The following TRAK2 variants were observed in gnomAD, a reference collection of about 807,000 sequenced individuals.
TRAK2 encodes trafficking kinesin protein 2.
In TRAK2, 81 loss-of-function variants were observed where a neutral mutation model predicts 104.6. The ratio of observed to expected loss-of-function variants is 0.77; its 90% CI spans 0.65 to 0.93. The LOEUF (loss-of-function observed/expected upper bound fraction) is 0.93, where lower values mean the gene tolerates loss of function less well. Ranked by LOEUF, TRAK2 falls within the 40% of genes least tolerant of loss-of-function variation. The pLI is 0.00. For synonymous variants in TRAK2, 406 were observed against 394.4 expected (o/e 1.03, Z -0.35); for missense variants, 1,002 against 1,089.0 (o/e 0.92, Z 1.12).
chr2:201,379,283 T>C lies in TRAK2; in HGVS notation c.*1260A>G, dbSNP rs1341083790. 1 of 151,944 alleles carries C rather than the reference T, an allele frequency of 6.6e-6. No homozygotes were observed. The highest frequency in any genetic ancestry group is 1.5e-5 in the Non-Finnish European group (1 of 68,012). The allele number at this position is 151,944 out of a possible 1,614,324, so 9.4% of individuals were successfully genotyped here. A position where few individuals can be genotyped will look rare whatever the true frequency, so the allele number is the denominator to read the frequency against. On this transcript the variant is annotated 3_prime_UTR_variant, in exon 16 of 16. Coordinates refer to ENST00000332624, the MANE Select transcript of TRAK2 (RefSeq NM_015049.3). ...CTGAAATCTAACCCCAGAGCCTCAC[T>C]TTGCCATTTCATACAGTTTGAATAA...
At chr2:201,397,877 G>A (rs1439377262) in intron 6 of TRAK2, 3 of 554,716 alleles carry the variant, frequency 5.4e-6, no homozygotes, top group Non-Finnish European at 9.6e-6. Context: ...TATCACAGTT[G>A]TAACTACTTA....
intron 1 of TRAK2, among the ~76,000 whole-genome samples, chr2:201,444,415 T>C (rs1003168914): frequency 2.0e-5 from 3 of 151,342 alleles, no homozygotes; most frequent in Admixed American, 6.6e-5. Context: ...TTACTTCTTT[T>C]AATTCTTCAT....
At chr2:201,399,116 G>A (rs1037388791) in intron 5 of TRAK2, among the ~76,000 whole-genome samples, 1 of 152,040 alleles carries the variant, frequency 6.6e-6, no homozygotes, top group Non-Finnish European at 1.5e-5. Context: ...GGTATGGATA[G>A]TTTTAATATC....
chr2:201,382,069 T>G (rs929166282), intron 15 of TRAK2, among the ~76,000 whole-genome samples: 1 of 152,204 alleles, frequency 6.6e-6, no homozygotes, highest in East Asian at 1.9e-4. Context: ...GGGTTATTAG[T>G]TGTCTGCCCT....
intron 2 of TRAK2, chr2:201,411,137 G>T: frequency 2.4e-6 from 2 of 822,652 alleles, no homozygotes; most frequent in Non-Finnish European, 4.1e-6. Flanking sequence ...TAACAGAAAG[G>T]CTAGTCAAAG....
At chr2:201,417,241 C>CAAAAAAA (rs61702415) in intron 2 of TRAK2, among the ~76,000 whole-genome samples, 39 of 88,390 alleles carry the variant, frequency 4.4e-4, no homozygotes, top group African/African-American at 5.1e-4. Flanking sequence ...GAAGACATTG[C>CAAAAAAA]AAAAAAAAAA....
intron 3 of TRAK2, among the ~76,000 whole-genome samples, chr2:201,404,148 T>C (rs1372160160): frequency 6.6e-6 from 1 of 152,210 alleles, no homozygotes; most frequent in Non-Finnish European, 1.5e-5. Context: ...CATTTAGACA[T>C]TGTAATTAAA....
chr2:201,382,227 A>G (rs1365871987), intron 15 of TRAK2, among the ~76,000 whole-genome samples: 1 of 152,246 alleles, frequency 6.6e-6, no homozygotes, highest in Non-Finnish European at 1.5e-5. Context: ...TTGAGGAAAC[A>G]GTGATGAAAT....
chr2:201,387,064 C>T (rs978705373), intron 13 of TRAK2, among the ~76,000 whole-genome samples: 3 of 152,188 alleles, frequency 2.0e-5, no homozygotes, highest in African/African-American at 7.2e-5. Context: ...CTGCACTGAT[C>T]ATTAATGAAT....
chr2:201,398,002 A>G, intron 6 of TRAK2, 143 bp downstream of exon 6: 1 of 771,972 alleles, frequency 1.3e-6, no homozygotes, highest in Non-Finnish European at 2.1e-6. Flanking sequence ...GAAGGCAAGA[A>G]AAATACAGCT....
chr2:201,384,053 T>C (rs899570898), intron 15 of TRAK2, 58 bp downstream of exon 15: 3 of 1,097,432 alleles, frequency 2.7e-6, no homozygotes, highest in Non-Finnish European at 4.1e-6. Context: ...TAAAAAGAAA[T>C]TCATGAAAAT....
Position 201,394,820 on chromosome 2 carries a change from G to A in TRAK2, c.953C>T (p.Ala318Val), listed in dbSNP as rs765998622. 6.8e-6 allele frequency: 11 copies of A among 1,613,810 alleles called. No homozygotes were observed. The East Asian group carries it at 2.5e-4, about 36-fold the overall frequency. Residue 318 changes from alanine to valine, a missense_variant, in exon 9 of 16, where the codon GCC becomes GTC. By Grantham distance (64) the Ala-to-Val change is moderately conservative. Transcript: ENST00000332624. ...LKLHLQASKD[A>V]QRQLTMELHE... ...TACCTCCATTGTCAGTTGCCGTTGG[G>A]CATCTTTGGAAGCTTGCAGGTGAAG... is the stretch of plus-strand genomic sequence containing the variant.
Position 201,420,542 on chromosome 2 carries a change from G to A in TRAK2, c.-35C>T, listed in dbSNP as rs766238822. 1.2e-5 allele frequency: 19 copies of A among 1,532,706 alleles called. No homozygotes were observed. The highest frequency in any genetic ancestry group is 2.2e-5 in the East Asian group (1 of 44,500). The allele number at this position is 1,532,706 out of a possible 1,614,324, so 94.9% of individuals were successfully genotyped here. Reference sequence around the variant, plus strand: ...TTTCTTGCTTTGGTTGAGAAGGACAGCTTTGGTATGAATCAGAGTAAAGGA... The same window carrying A: ...TTTCTTGCTTTGGTTGAGAAGGACAACTTTGGTATGAATCAGAGTAAAGGA... On this transcript the variant is annotated 5_prime_UTR_variant, in exon 2 of 16. Coordinates refer to ENST00000332624, the MANE Select transcript of TRAK2 (RefSeq NM_015049.3).
intron 1 of TRAK2, among the ~76,000 whole-genome samples, chr2:201,445,698 C>T (rs1373268871): frequency 6.6e-6 from 1 of 152,134 alleles, no homozygotes; most frequent in Non-Finnish European, 1.5e-5. Flanking sequence ...CAGCAAGTAG[C>T]AGACAGAGCC....
intron 1 of TRAK2, among the ~76,000 whole-genome samples, chr2:201,450,420 A>C (rs1041624813): frequency 1.3e-5 from 2 of 152,116 alleles, no homozygotes; most frequent in African/African-American, 4.8e-5. Flanking sequence ...TCTTAAAAAA[A>C]AAAAAGAAAA....
At position 201,384,195 on chromosome 2, in the gene TRAK2, T is replaced by C; in HGVS notation, c.1985A>G (p.Lys662Arg). Residue 662 changes from lysine to arginine, a missense_variant, in exon 15 of 16, where the codon AAG becomes AGG. Lys to Arg is a conservative substitution (Grantham distance 26). Coordinates refer to ENST00000332624, the MANE Select transcript of TRAK2 (RefSeq NM_015049.3). ...TGTTGAGTTTGTGCACGACAGGCAC[T>C]TTCCTGGGTTGGCGGTTGCAACTGA... The part of the protein sequence containing the change: ...PVTVATANPG[K>R]CLSCTNSTFT... The C allele has an allele frequency of 6.2e-7, 1 of 1,613,138 alleles. No individual in the cohort carries two copies. The highest frequency in any genetic ancestry group is 8.5e-7 in the Non-Finnish European group (1 of 1,179,590).
At chr2:201,441,092 T>C (rs1008392197) in intron 1 of TRAK2, among the ~76,000 whole-genome samples, 4 of 152,234 alleles carry the variant, frequency 2.6e-5, no homozygotes, top group Non-Finnish European at 4.4e-5. Context: ...TTGATATTAA[T>C]ACATTTTCAA....
intron 1 of TRAK2, among the ~76,000 whole-genome samples, chr2:201,432,818 T>A (rs1022866760): frequency 6.6e-6 from 1 of 152,216 alleles, no homozygotes; most frequent in Non-Finnish European, 1.5e-5. Flanking sequence ...AAAAATGTAA[T>A]TATTTAGTGA....
chr2:201,434,717 T>C (rs1951869120), intron 1 of TRAK2, among the ~76,000 whole-genome samples: 1 of 152,242 alleles, frequency 6.6e-6, no homozygotes, highest in Non-Finnish European at 1.5e-5. Context: ...TTTCAAACTA[T>C]ACTTCTGGAC....
Sources: gnomAD v4.1 joint callset for allele counts (sites outside exome capture counted in the v4.1 genomes callset) on GRCh38, gnomAD v4.1.1 for gene constraint, MANE v1.5 for transcripts, NCBI Gene and HGNC (gene_info 2026-07-23, HGNC 2026-07-21) for gene names.